Variants in FGD5 observed in about 807,000 individuals in gnomAD.
FGD5 encodes FYVE, RhoGEF and PH domain-containing protein 5.
FGD5 carries 28 observed loss-of-function variants against 133.4 expected under a neutral mutation model. The ratio of observed to expected loss-of-function variants is 0.21; its 90% CI spans 0.16 to 0.29. FGD5 has a LOEUF of 0.29. Among genes scored for constraint, FGD5 ranks in the 10% least tolerant of loss-of-function variants. The pLI, the probability that FGD5 is intolerant of heterozygous loss-of-function variation, is 1.00. For synonymous variants in FGD5, 810 were observed against 776.5 expected (o/e 1.04, Z -0.72); for missense variants, 1,858 against 1,895.2 (o/e 0.98, Z 0.36).
chr3:14,916,326 A>G (rs922084214), intron 11 of FGD5, among the ~76,000 whole-genome samples: 1 of 152,174 alleles, frequency 6.6e-6, no homozygotes, highest in Non-Finnish European at 1.5e-5. Context: ...ATCTTCTCAC[A>G]CCTGAAACCG....
rs1388364628 is a variant in FGD5, at chr3:14,820,413, G to C, written c.1342G>C (p.Ala448Pro). The change falls in exon 1 of 20, where the codon GCT (alanine) becomes CCT (proline). Residue 448 changes from alanine (A) to proline (P), a missense_variant. By Grantham distance (27) the Ala-to-Pro change is conservative. This residue lies in a region of FGD5 where 1,824 missense variants were observed against 1,848.9 expected (regional missense o/e 0.99). Coordinates refer to ENST00000285046, the MANE Select transcript of FGD5 (RefSeq NM_152536.4). Reference sequence around the variant, plus strand: ...GGCGGCCCCTGGAGAAGGAGGGCAGGCTGCATCGGACGCCCTGGGTGGTTA... The same window carrying C: ...GGCGGCCCCTGGAGAAGGAGGGCAGCCTGCATCGGACGCCCTGGGTGGTTA... Reference protein sequence around the residue: ...GQAAPGEGGQAASDALGGYGS... With the variant: ...GQAAPGEGGQPASDALGGYGS... 6.2e-7 allele frequency: 1 copy of C among 1,613,876 alleles called. No homozygotes were observed. The highest frequency in any genetic ancestry group is 8.5e-7 in the Non-Finnish European group (1 of 1,179,894).
chr3:14,837,956 G>A (rs1389738394), intron 1 of FGD5, among the ~76,000 whole-genome samples: 1 of 152,196 alleles, frequency 6.6e-6, no homozygotes, highest in Non-Finnish European at 1.5e-5. Context: ...GACAACATCT[G>A]TTTTTCATCT....
intron 1 of FGD5, among the ~76,000 whole-genome samples, chr3:14,812,509 G>T (rs995253910): frequency 3.3e-5 from 5 of 152,200 alleles, no homozygotes; most frequent in African/African-American, 1.2e-4. Context: ...TTAGAGGCAG[G>T]TTTGGTCCCA....
At chr3:14,911,271 C>T (rs2038443785) in intron 11 of FGD5, among the ~76,000 whole-genome samples, 1 of 152,164 alleles carries the variant, frequency 6.6e-6, no homozygotes, top group Non-Finnish European at 1.5e-5. Flanking sequence ...TGGCAGAAGT[C>T]CAGGAGGAGC....
chr3:14,902,937 C>T (rs2038270171), intron 9 of FGD5, among the ~76,000 whole-genome samples: 1 of 152,218 alleles, frequency 6.6e-6, no homozygotes, highest in Non-Finnish European at 1.5e-5. Context: ...TGGCTTTCTC[C>T]AAGGCTGAAG....
chr3:14,902,552 A>T (rs1269742877), intron 9 of FGD5, among the ~76,000 whole-genome samples: 2 of 152,146 alleles, frequency 1.3e-5, no homozygotes, highest in African/African-American at 4.8e-5. Context: ...TGAATCAGCT[A>T]GGTATGAATA....
chr3:14,818,756 A>G (rs189451918), upstream of FGD5, among the ~76,000 whole-genome samples: 4 of 152,346 alleles, frequency 2.6e-5, no homozygotes, highest in East Asian at 5.8e-4. Flanking sequence ...CTTTGTTTAC[A>G]GAATGAATCT....
At chr3:14,886,991 GAGA>G (rs1186034254) in intron 4 of FGD5, among the ~76,000 whole-genome samples, 2 of 152,202 alleles carry the variant, frequency 1.3e-5, no homozygotes, top group Non-Finnish European at 2.9e-5. Flanking sequence ...ATGTGTATTT[GAGA>G]AGGATGGGCC....
intron 2 of FGD5, among the ~76,000 whole-genome samples, chr3:14,866,470 C>T (rs17040424): frequency 6.6e-6 from 1 of 151,984 alleles, no homozygotes; most frequent in Non-Finnish European, 1.5e-5. Flanking sequence ...ACTCCCAGGA[C>T]TAAGGAGCTA....
intron 2 of FGD5, among the ~76,000 whole-genome samples, chr3:14,877,747 A>G (rs293919): frequency 0.17 from 25,923 of 152,168 alleles, 2,640 homozygotes; most frequent in East Asian, 0.39. Context: ...GATGAAAAGC[A>G]CAGCAGGATA....
intron 4 of FGD5, among the ~76,000 whole-genome samples, chr3:14,884,842 A>G (rs1263686294): frequency 6.6e-6 from 1 of 152,152 alleles, no homozygotes; most frequent in Admixed American, 6.5e-5. Context: ...CAAACAGCAA[A>G]CTGTTTATCA....
At chr3:14,860,716 A>G (rs1371236948) in intron 1 of FGD5, among the ~76,000 whole-genome samples, 1 of 152,158 alleles carries the variant, frequency 6.6e-6, no homozygotes, top group African/African-American at 2.4e-5. Context: ...GCATATACCT[A>G]TAATTCCAGC....
Position 14,820,816 on chromosome 3 carries a change from A to C in FGD5, c.1745A>C (p.Asn582Thr). 1 of 1,613,774 alleles carries C rather than the reference A, an allele frequency of 6.2e-7. No homozygotes were observed. Among genetic ancestry groups the C allele is most frequent in the Non-Finnish European group, 8.5e-7 (1 of 1,179,828 alleles). The change falls in exon 1 of 20, where the codon AAT (asparagine) becomes ACT (threonine). Residue 582 changes from asparagine (N) to threonine (T), a missense_variant. Asn to Thr is a moderately conservative substitution (Grantham distance 65). Around this residue, in one of 3 missense-constraint regions of FGD5, gnomAD observed 1,824 missense variants for 1,848.9 expected, o/e 0.99. Transcript: ENST00000285046. ...CACAGGATAAAGAGGAAAGAGGACA[A>C]TCTCTCTCTGTCGTGTGTAATTGGC... ...DDHRIKRKED[N>T]LSLSCVIGSS...
intron 1 of FGD5, chr3:14,810,971 C>T (rs1396090650): frequency 1.2e-5 from 11 of 913,924 alleles, no homozygotes; most frequent in South Asian, 1.0e-4. Context: ...TGCCCGAAAT[C>T]CTCCGACCTT....
chr3:14,848,011 C>A (rs142311389), intron 1 of FGD5, among the ~76,000 whole-genome samples: 1 of 152,278 alleles, frequency 6.6e-6, no homozygotes, highest in East Asian at 1.9e-4. Context: ...GAGCCCCGGG[C>A]CAGCCATTGT....
At chr3:14,898,165 C>T in intron 6 of FGD5, 70 bp downstream of exon 6, 2 of 1,586,508 alleles carry the variant, frequency 1.3e-6, no homozygotes, top group Non-Finnish European at 1.7e-6. Flanking sequence ...GGGCTTAATG[C>T]AAATCAGTGG....
chr3:14,872,170 G>T (rs2037623480), intron 2 of FGD5, among the ~76,000 whole-genome samples: 1 of 152,222 alleles, frequency 6.6e-6, no homozygotes, highest in African/African-American at 2.4e-5. Context: ...CAACTTTGGG[G>T]AACTTAACAG....
At chr3:14,902,747 C>G (rs887988752) in intron 9 of FGD5, among the ~76,000 whole-genome samples, 2 of 152,162 alleles carry the variant, frequency 1.3e-5, no homozygotes, top group African/African-American at 2.4e-5. Context: ...GTCCAGCACC[C>G]TGTCGAGGAA....
Position 14,819,170 on chromosome 3 carries a change from A to G in FGD5, c.99A>G (p.Lys33=). The G allele has an allele frequency of 6.4e-7, 1 of 1,551,662 alleles. No individual in the cohort carries two copies. The highest frequency in any genetic ancestry group is 1.7e-4 in the Middle Eastern group (1 of 5,954). The change falls in exon 1 of 20, where the codon AAA becomes AAG. Residue 33 remains lysine, a synonymous_variant. Coordinates refer to ENST00000285046, the MANE Select transcript of FGD5 (RefSeq NM_152536.4). This position sits in a 1 kb window ranked among gnomAD's most constrained non-coding sequence, Gnocchi z 4.1. ...TGTACCTGAATGACAGCTTGAACAA[A>G]TGCAGCAACGGGCGGCTGCCCTGTG... ...ASVYLNDSLN[K]CSNGRLPCVD... is the part of the protein sequence containing the mutation.
Sources: gnomAD v4.1 joint callset for allele counts (sites outside exome capture counted in the v4.1 genomes callset) on GRCh38, gnomAD v4.1.1 for gene constraint, gnomAD v4.1.1 regional missense constraint, Gnocchi (gnomAD v3.1) non-coding constraint, MANE v1.5 for transcripts, NCBI Gene and HGNC (gene_info 2026-07-23, HGNC 2026-07-21) for gene names.